Variants in BABAM2 observed in about 807,000 individuals in gnomAD.
The protein encoded by BABAM2 is BRISC and BRCA1-A complex member 2.
Under a neutral mutation model 54.7 loss-of-function variants are expected in BABAM2, and 31 were observed. The ratio of observed to expected loss-of-function variants is 0.57; its 90% CI spans 0.43 to 0.77. The LOEUF (loss-of-function observed/expected upper bound fraction) is 0.77, where lower values mean the gene tolerates loss of function less well. Among genes scored for constraint, BABAM2 ranks in the 30% least tolerant of loss-of-function variants. The pLI is 0.00. For synonymous variants in BABAM2, 167 were observed against 162.9 expected (o/e 1.03, Z -0.19); for missense variants, 364 against 455.8 (o/e 0.80, Z 1.83).
At chr2:28,310,103 G>C (rs1035485153) in intron 11 of BABAM2, 17 of 1,614,180 alleles carry the variant, frequency 1.1e-5, no homozygotes, top group Non-Finnish European at 1.4e-5. Context: ...ACAGAGATGG[G>C]GAGGAATCCA....
At chr2:27,966,850 G>A (rs755826529) in intron 3 of BABAM2, among the ~76,000 whole-genome samples, 2 of 152,060 alleles carry the variant, frequency 1.3e-5, no homozygotes, top group Non-Finnish European at 2.9e-5. Context: ...TCCTTTATTT[G>A]CCTTTTGGGC....
chr2:28,179,414 A>G lies in BABAM2; in HGVS notation c.680+50034A>G, dbSNP rs552943711. ...TTCTCTAAATAGATGCAGAAAAAGC[A>G]TTGGATAAAACTCGACGTTCCTTGG... On this transcript the variant is annotated intron_variant, in intron 7 of 11. Transcript: ENST00000379624. 2.6e-5 allele frequency among the ~76,000 whole-genome samples: 4 copies of G among 152,314 alleles called. No homozygotes were observed. In the South Asian group the frequency reaches 8.3e-4, roughly 32 times the overall value.
At chr2:28,140,914 C>T (rs1670993474) in intron 7 of BABAM2, among the ~76,000 whole-genome samples, 1 of 152,092 alleles carries the variant, frequency 6.6e-6, no homozygotes, top group Non-Finnish European at 1.5e-5. Flanking sequence ...TAAAACATTC[C>T]AGATCAAGGT....
chr2:28,168,420 G>T (rs535878273), intron 7 of BABAM2, among the ~76,000 whole-genome samples: 1 of 152,264 alleles, frequency 6.6e-6, no homozygotes, highest in Admixed American at 6.5e-5. Context: ...TTCTTCTGGA[G>T]GTCTGTGTGT....
At chr2:28,234,586 C>T (rs1411217620) in intron 7 of BABAM2, among the ~76,000 whole-genome samples, 1 of 152,096 alleles carries the variant, frequency 6.6e-6, no homozygotes, top group African/African-American at 2.4e-5. Context: ...GGGAAGCATC[C>T]AGCTTATTTT....
At chr2:27,890,593 T>C (rs571058235), upstream of BABAM2, 298 of 475,966 alleles carry the variant, frequency 6.3e-4, 1 homozygote, top group African/African-American at 5.6e-3. This position sits in a 1 kb window ranked among gnomAD's most constrained non-coding sequence, Gnocchi z 4.8. Context: ...TCCTCGTCAC[T>C]CACGGGGCAG....
In BABAM2 at chr2:28,054,770, G is replaced by A. The variant is rs145230359; in HGVS notation, c.570+8971G>A. ...CAGTTTATAGTATTTTGTTAGCTAC[G>A]CAGTTTATAGTGTTTTGTTATGGGA... On this transcript the variant is annotated intron_variant, in intron 6 of 11. Coordinates refer to ENST00000379624, the MANE Select transcript of BABAM2 (RefSeq NM_199191.3). 1.6e-4 allele frequency among the ~76,000 whole-genome samples: 24 copies of A among 152,288 alleles called. No homozygotes were observed. The East Asian group carries it at 2.7e-3, about 17-fold the overall frequency.
rs771680490 is a variant in BABAM2 at position 28,244,761 on chromosome 2, GTA to G, written c.852-17_852-16del. On this transcript the variant is annotated splice_polypyrimidine_tract_variant and intron_variant, in intron 9 of 11. Transcript: ENST00000379624. ...ATGAGGGTTTTTTTTGTTTGTGTGTGTATGTTTTTATTACTTAGAGGTGTCGT... is the reference window on the plus strand; with the variant it reads ...ATGAGGGTTTTTTTTGTTTGTGTGTGTGTTTTTATTACTTAGAGGTGTCGT... 4 of 1,603,330 alleles carry G rather than the reference GTA, an allele frequency of 2.5e-6. No homozygotes were observed. The Admixed American group carries it at 5.1e-5, about 20-fold the overall frequency.
Position 28,104,374 on chromosome 2 carries a change from C to A in BABAM2, c.571-24897C>A, listed in dbSNP as rs549660923. Among the ~76,000 whole-genome samples the A allele has an allele frequency of 8.3e-4, 126 of 152,198 alleles. No homozygotes were observed. In the South Asian group the frequency reaches 0.021, roughly 25 times the overall value. On this transcript the variant is annotated intron_variant, in intron 6 of 11. Transcript: ENST00000379624. ...ACAAACAACCCCATCAAAAAGTGGG[C>A]GAAGGATATGAACAGACACTTCTCA...
intron 7 of BABAM2, among the ~76,000 whole-genome samples, chr2:28,181,419 A>G (rs1675613831): frequency 6.6e-6 from 1 of 152,236 alleles, no homozygotes; most frequent in African/African-American, 2.4e-5. Context: ...GAGCTAACAA[A>G]GTTAATCTCA....
rs150954945 is a variant in BABAM2, at chr2:28,315,609, A to G, written c.1088+17118A>G. 2.0e-3 allele frequency among the ~76,000 whole-genome samples: 302 copies of G among 151,808 alleles called. 2 individuals are homozygous for G. The highest frequency in any genetic ancestry group is 7.0e-3 in the African/African-American group (289 of 41,448). On this transcript the variant is annotated intron_variant, in intron 11 of 11. Coordinates refer to ENST00000379624, the MANE Select transcript of BABAM2 (RefSeq NM_199191.3). ...CAGCCTCCCAAGTAACCAGGATTAC[A>G]GGTCCATGCAACAGCACTGGGCTGA...
intron 10 of BABAM2, among the ~76,000 whole-genome samples, chr2:28,254,682 A>G (rs1440151033): frequency 2.0e-5 from 3 of 151,192 alleles, no homozygotes; most frequent in Non-Finnish European, 2.9e-5. Flanking sequence ...TGTTTTACCT[A>G]TAAATACCTC....
intron 7 of BABAM2, among the ~76,000 whole-genome samples, chr2:28,183,668 T>C (rs1343949598): frequency 2.6e-5 from 4 of 151,602 alleles, no homozygotes; most frequent in Non-Finnish European, 5.9e-5. Context: ...TCCATTAGAA[T>C]TCTTACATAG....
intron 7 of BABAM2, among the ~76,000 whole-genome samples, chr2:28,210,299 C>T (rs559323898): frequency 1.1e-4 from 16 of 152,158 alleles, no homozygotes; most frequent in South Asian, 2.1e-4. Flanking sequence ...AGGAAAGACA[C>T]GTTTGTGCCG....
chr2:28,160,133 C>T (rs1389742847), intron 7 of BABAM2, among the ~76,000 whole-genome samples: 1 of 152,096 alleles, frequency 6.6e-6, no homozygotes, highest in Non-Finnish European at 1.5e-5. Context: ...AGGTATGCAC[C>T]ACCATGCCCA....
At chr2:28,058,336 A>G (rs558487467) in intron 6 of BABAM2, among the ~76,000 whole-genome samples, 1 of 152,036 alleles carries the variant, frequency 6.6e-6, no homozygotes, top group East Asian at 1.9e-4. Context: ...AATTTTAATC[A>G]TTATTTTTGA....
intron 5 of BABAM2, among the ~76,000 whole-genome samples, chr2:28,036,864 C>T (rs572674864): frequency 2.2e-4 from 34 of 152,284 alleles, no homozygotes; most frequent in East Asian, 1.3e-3. Context: ...CTTACCATGT[C>T]GTACTATTTT....
At chr2:28,024,524 CTA>C (rs1558664694) in intron 4 of BABAM2, among the ~76,000 whole-genome samples, 1 of 152,158 alleles carries the variant, frequency 6.6e-6, no homozygotes, top group Non-Finnish European at 1.5e-5. Context: ...ACATGGAGGA[CTA>C]CTGCATACCT....
chr2:27,980,070 C>T (rs1434121866), intron 3 of BABAM2, among the ~76,000 whole-genome samples: 3 of 152,166 alleles, frequency 2.0e-5, no homozygotes, highest in African/African-American at 7.2e-5. Flanking sequence ...AACTTCTGCC[C>T]CCATTGCTCC....
Sources: allele counts gnomAD v4.1 joint callset (sites outside exome capture counted in the v4.1 genomes callset), GRCh38; gene constraint gnomAD v4.1.1; non-coding constraint Gnocchi (gnomAD v3.1); transcripts MANE v1.5; gene names NCBI Gene and HGNC (gene_info 2026-07-23, HGNC 2026-07-21).